The following SRRM4 variants were observed in gnomAD, a reference collection of about 807,000 sequenced individuals.
SRRM4 encodes the protein serine/arginine repetitive matrix 4.
Under a neutral mutation model 68.9 loss-of-function variants are expected in SRRM4, and 33 were observed. That is an observed-to-expected ratio of 0.48 (90% confidence interval 0.36 to 0.64). The LOEUF (loss-of-function observed/expected upper bound fraction) is 0.64. SRRM4 is among the 30% of genes least tolerant of loss of function. SRRM4 has a pLI of 0.00. For synonymous variants in SRRM4, 318 were observed against 318.8 expected, an observed-to-expected ratio of 1.00 and a Z score of 0.03; for missense variants, 817 against 827.1, an observed-to-expected ratio of 0.99 and a Z score of 0.15.
intron 1 of SRRM4, among the ~76,000 whole-genome samples, chr12:119,008,952 C>A (rs985541024): frequency 1.3e-5 from 2 of 152,012 alleles, no homozygotes; most frequent in Non-Finnish European, 2.9e-5. Context: ...GGTCCCCTTC[C>A]CCTCCCTCCT....
In SRRM4 at chr12:119,103,944, A is replaced by C. The variant is rs551306007; in HGVS notation, c.278+1562A>C. Reference sequence around the variant, plus strand: ...CTTGTACCCAGGAGGAGGAGGTTGCAGTGAGCCGAGATCGCACCACAGCGC... The same window carrying C: ...CTTGTACCCAGGAGGAGGAGGTTGCCGTGAGCCGAGATCGCACCACAGCGC... On this transcript the variant is annotated intron_variant, in intron 2 of 12. Transcript: ENST00000267260. Among the ~76,000 whole-genome samples, 4 of 152,322 alleles carry C rather than the reference A, an allele frequency of 2.6e-5. No individual in the cohort carries two copies. In the South Asian group the frequency reaches 8.3e-4, roughly 32 times the overall value.
intron 2 of SRRM4, among the ~76,000 whole-genome samples, chr12:119,109,264 T>C (rs971128072): frequency 6.6e-6 from 1 of 152,186 alleles, no homozygotes; most frequent in Non-Finnish European, 1.5e-5. Context: ...ATTTTTTCCT[T>C]CATTTCAACT....
intron 1 of SRRM4, among the ~76,000 whole-genome samples, chr12:119,002,924 A>G (rs1290071595): frequency 1.3e-5 from 2 of 150,310 alleles, no homozygotes; most frequent in Admixed American, 1.3e-4. Context: ...GCTGCTGAAC[A>G]CTGCATTTGA....
intron 1 of SRRM4, among the ~76,000 whole-genome samples, chr12:119,096,414 A>G (rs979588908): frequency 4.6e-5 from 7 of 152,084 alleles, no homozygotes; most frequent in African/African-American, 1.2e-4. Context: ...TTTGTTCTTC[A>G]CAGTAGGGAT....
At chr12:119,077,070 G>A (rs1248264035) in intron 1 of SRRM4, among the ~76,000 whole-genome samples, 1 of 130,568 alleles carries the variant, frequency 7.7e-6, no homozygotes, top group African/African-American at 2.7e-5. Flanking sequence ...TGAGACCGAG[G>A]GAGAGTTTCA....
At chr12:119,017,468 T>A (rs1953488980) in intron 1 of SRRM4, among the ~76,000 whole-genome samples, 1 of 152,190 alleles carries the variant, frequency 6.6e-6, no homozygotes. Flanking sequence ...GGCTGAAGAC[T>A]CAGCATATAC....
At chr12:119,111,110 C>A (rs1954140484) in intron 2 of SRRM4, among the ~76,000 whole-genome samples, 1 of 152,222 alleles carries the variant, frequency 6.6e-6, no homozygotes, top group African/African-American at 2.4e-5. Flanking sequence ...GCACATGTAA[C>A]CACTGCATAC....
intron 1 of SRRM4, among the ~76,000 whole-genome samples, chr12:119,082,895 G>A (rs1332221839): frequency 6.6e-6 from 1 of 152,196 alleles, no homozygotes; most frequent in Non-Finnish European, 1.5e-5. Flanking sequence ...GGGGACTTTA[G>A]CATTCTGCCT....
chr12:119,074,477 G>T (rs1383166352), intron 1 of SRRM4, among the ~76,000 whole-genome samples: 2 of 152,130 alleles, frequency 1.3e-5, no homozygotes, highest in Admixed American at 1.3e-4. Context: ...TTGTGGTAAG[G>T]CTACAGATGC....
intron 8 of SRRM4, among the ~76,000 whole-genome samples, chr12:119,143,230 T>C (rs1401778984): frequency 1.3e-5 from 2 of 152,216 alleles, no homozygotes; most frequent in African/African-American, 4.8e-5. Context: ...TGTTTCACCC[T>C]CATGACCAAT....
chr12:119,101,805 A>C (rs1954079200), intron 1 of SRRM4, among the ~76,000 whole-genome samples: 1 of 152,136 alleles, frequency 6.6e-6, no homozygotes, highest in African/African-American at 2.4e-5. Context: ...ATGTCTTGAG[A>C]AAAGAAATGA....
intron 8 of SRRM4, among the ~76,000 whole-genome samples, chr12:119,131,320 G>C (rs1350796869): frequency 6.6e-6 from 1 of 152,130 alleles, no homozygotes; most frequent in Non-Finnish European, 1.5e-5. Flanking sequence ...ATTTATATGA[G>C]AATTTTCTTC....
chr12:119,009,638 T>C (rs1310974363), intron 1 of SRRM4, among the ~76,000 whole-genome samples: 1 of 152,150 alleles, frequency 6.6e-6, no homozygotes, highest in Non-Finnish European at 1.5e-5. Flanking sequence ...AGTTCTTCTG[T>C]GCAAAATGGA....
At chr12:119,107,996 G>A (rs563327352) in intron 2 of SRRM4, among the ~76,000 whole-genome samples, 1 of 152,328 alleles carries the variant, frequency 6.6e-6, no homozygotes, top group African/African-American at 2.4e-5. Context: ...ATGTGTCCCA[G>A]AGATTCCAGT....
At chr12:118,996,403 T>C (rs767570660) in intron 1 of SRRM4, among the ~76,000 whole-genome samples, 17 of 152,046 alleles carry the variant, frequency 1.1e-4, no homozygotes, top group Non-Finnish European at 1.8e-4. Context: ...ATTTCACATA[T>C]GCAAAAAACA....
intron 7 of SRRM4, among the ~76,000 whole-genome samples, chr12:119,128,201 A>G (rs189007809): frequency 1.6e-4 from 24 of 152,306 alleles, no homozygotes; most frequent in Middle Eastern, 3.4e-3. Context: ...GACAAAACTA[A>G]GCCCCCTCTG....
chr12:119,028,286 C>T (rs373709623), intron 1 of SRRM4, among the ~76,000 whole-genome samples: 5 of 152,296 alleles, frequency 3.3e-5, no homozygotes, highest in South Asian at 4.1e-4. Flanking sequence ...TATGGTTTGA[C>T]TGTGTCCCCA....
At chr12:119,100,947 T>A (rs142233492) in intron 1 of SRRM4, among the ~76,000 whole-genome samples, 9 of 152,294 alleles carry the variant, frequency 5.9e-5, no homozygotes, top group African/African-American at 1.2e-4. Flanking sequence ...GGGCTTGCAG[T>A]ATCTACCAGC....
intron 1 of SRRM4, among the ~76,000 whole-genome samples, chr12:119,024,242 G>T (rs1172161804): frequency 6.6e-6 from 1 of 152,156 alleles, no homozygotes; most frequent in Non-Finnish European, 1.5e-5. Flanking sequence ...ACATGTTGAG[G>T]CTGACAAGGG....
Sources: gnomAD v4.1 joint callset for allele counts (sites outside exome capture counted in the v4.1 genomes callset) on GRCh38, gnomAD v4.1.1 for gene constraint, MANE v1.5 for transcripts, NCBI Gene and HGNC (gene_info 2026-07-23, HGNC 2026-07-21) for gene names.